RALGAPA2: variants seen among roughly 807,000 people sequenced by gnomAD.
RALGAPA2 encodes the protein Ral GTPase activating protein catalytic subunit alpha 2, also known as ral GTPase-activating protein subunit alpha-2.
A neutral mutation model predicts 230.4 loss-of-function variants in RALGAPA2; 139 were observed. The ratio of observed to expected loss-of-function variants is 0.60; its 90% confidence interval spans 0.53 to 0.69. The LOEUF (loss-of-function observed/expected upper bound fraction) is 0.69, where lower values mean the gene tolerates loss of function less well. RALGAPA2 is among the 30% of genes least tolerant of loss of function. The pLI, the probability that RALGAPA2 is intolerant of heterozygous loss-of-function variation, is 0.00. For missense variants in RALGAPA2, 2,163 were observed against 2,276.0 expected (o/e 0.95, Z 1.01); for synonymous variants, 847 against 837.8 (o/e 1.01, Z -0.19).
intron 4 of RALGAPA2, among the ~76,000 whole-genome samples, chr20:20,646,731 A>G (rs2067228080): frequency 6.6e-6 from 1 of 152,224 alleles, no homozygotes; most frequent in African/African-American, 2.4e-5. Flanking sequence ...TCATTAATCA[A>G]GATAAATATT....
intron 36 of RALGAPA2, among the ~76,000 whole-genome samples, chr20:20,482,127 A>C (rs987322353): frequency 2.0e-5 from 3 of 152,212 alleles, no homozygotes; most frequent in African/African-American, 7.2e-5. Context: ...AGAAGACTCT[A>C]AAACTTTGTC....
chr20:20,434,649 T>A (rs1163771470), intron 37 of RALGAPA2, among the ~76,000 whole-genome samples: 2 of 152,202 alleles, frequency 1.3e-5, no homozygotes, highest in Non-Finnish European at 2.9e-5. Context: ...AAAATTCCTC[T>A]TAGAGGCTGG....
chr20:20,629,432 A>G lies in RALGAPA2; in HGVS notation c.1164T>C (p.Tyr388=), dbSNP rs755489135. Residue 388 remains tyrosine (Y), a synonymous_variant, in exon 10 of 40, where the codon TAT becomes TAC. Coordinates refer to ENST00000202677, the MANE Select transcript of RALGAPA2 (RefSeq NM_020343.4). ...CSIEEEHRMV[Y]EMVQRILLST... is the part of the protein sequence containing the mutation. ...ACAAGAGAATCCGCTGTACCATTTC[A>G]TACACCATTCGGTGCTCTTCTTCAA... is the stretch of plus-strand genomic sequence containing the variant. 6.2e-7 allele frequency: 1 copy of G among 1,613,884 alleles called. No individual in the cohort carries two copies. The highest frequency in any genetic ancestry group is 1.1e-5 in the South Asian group (1 of 91,054).
At chr20:20,463,732 T>C (rs944349856) in intron 37 of RALGAPA2, among the ~76,000 whole-genome samples, 5 of 152,220 alleles carry the variant, frequency 3.3e-5, no homozygotes, top group African/African-American at 1.2e-4. Flanking sequence ...AAAGTAACCA[T>C]CTGAATGCTA....
chr20:20,550,456 G>A (rs2063892153), intron 23 of RALGAPA2, among the ~76,000 whole-genome samples: 1 of 152,194 alleles, frequency 6.6e-6, no homozygotes, highest in African/African-American at 2.4e-5. Flanking sequence ...TGCAATGTCA[G>A]GGTGGTGTGA....
intron 36 of RALGAPA2, among the ~76,000 whole-genome samples, chr20:20,474,600 A>G (rs886453920): frequency 1.3e-5 from 2 of 152,220 alleles, no homozygotes; most frequent in Admixed American, 6.5e-5. Context: ...TTTTGAAGGT[A>G]GAGTTGTCAG....
intron 1 of RALGAPA2, among the ~76,000 whole-genome samples, chr20:20,698,263 C>A (rs2069196340): frequency 6.6e-6 from 1 of 150,664 alleles, no homozygotes; most frequent in Non-Finnish European, 1.5e-5. Context: ...GAATTGTTTA[C>A]TTTTAAATGA....
chr20:20,683,760 T>C (rs1307906392), intron 1 of RALGAPA2, among the ~76,000 whole-genome samples: 1 of 152,228 alleles, frequency 6.6e-6, no homozygotes, highest in Non-Finnish European at 1.5e-5. Context: ...ATAAGCAGGA[T>C]ACAGCACCGG....
intron 3 of RALGAPA2, among the ~76,000 whole-genome samples, chr20:20,672,990 C>T (rs1344677870): frequency 6.6e-6 from 1 of 151,946 alleles, no homozygotes; most frequent in Non-Finnish European, 1.5e-5. Flanking sequence ...CAAGACCATC[C>T]TGGCTAACAC....
chr20:20,523,443 C>A (rs1260200274), intron 30 of RALGAPA2, among the ~76,000 whole-genome samples: 2 of 152,100 alleles, frequency 1.3e-5, no homozygotes, highest in African/African-American at 4.8e-5. Flanking sequence ...AAACCTTTTT[C>A]TTCCTTTGAT....
intron 37 of RALGAPA2, among the ~76,000 whole-genome samples, chr20:20,466,027 T>C (rs887561412): frequency 6.6e-6 from 1 of 152,200 alleles, no homozygotes; most frequent in Admixed American, 6.5e-5. Context: ...TTTTACCTGC[T>C]TGGCCCATTA....
chr20:20,673,697 T>C (rs1178531704), intron 3 of RALGAPA2, among the ~76,000 whole-genome samples: 1 of 152,108 alleles, frequency 6.6e-6, no homozygotes, highest in Non-Finnish European at 1.5e-5. Context: ...GGTGGTTTTA[T>C]AGGAAAGGTA....
chr20:20,466,077 A>G (rs796605837), intron 37 of RALGAPA2, among the ~76,000 whole-genome samples: 3 of 152,312 alleles, frequency 2.0e-5, no homozygotes, highest in African/African-American at 7.2e-5. Flanking sequence ...GGTGGGTGCC[A>G]TGGTGGTGGT....
chr20:20,507,051 T>G (rs575849598), intron 33 of RALGAPA2, among the ~76,000 whole-genome samples: 44 of 152,358 alleles, frequency 2.9e-4, no homozygotes, highest in Admixed American at 2.5e-3. Context: ...CATGCACATA[T>G]GAGAAGCTAC....
intron 38 of RALGAPA2, among the ~76,000 whole-genome samples, chr20:20,409,360 C>G (rs2122745971): frequency 1.3e-5 from 2 of 152,320 alleles, no homozygotes; most frequent in South Asian, 4.1e-4. Flanking sequence ...GATGCTCCCT[C>G]TTCATTAATA....
intron 35 of RALGAPA2, among the ~76,000 whole-genome samples, chr20:20,503,050 G>A (rs546853439): frequency 6.6e-6 from 1 of 152,156 alleles, no homozygotes; most frequent in Non-Finnish European, 1.5e-5. Context: ...AAATCGCCCC[G>A]CAGCAAGCCT....
At chr20:20,557,659 G>GC (rs2064125246) in intron 23 of RALGAPA2, among the ~76,000 whole-genome samples, 1 of 152,072 alleles carries the variant, frequency 6.6e-6, no homozygotes. Context: ...TCTAGGTTAG[G>GC]CCCCACCTGC....
chr20:20,666,777 C>T lies in RALGAPA2; in HGVS notation c.270+9459G>A, dbSNP rs1475903266. On this transcript the variant is annotated intron_variant, in intron 3 of 39. Transcript: ENST00000202677. Reference sequence around the variant, plus strand: ...TTACTTAATCCTGTAGGACACCGAGCCTGAATCTGTTGACTTGCCTAGAAT... The same window carrying T: ...TTACTTAATCCTGTAGGACACCGAGTCTGAATCTGTTGACTTGCCTAGAAT... 3.3e-5 allele frequency among the ~76,000 whole-genome samples: 5 copies of T among 152,132 alleles called. No homozygotes were observed. In the South Asian group the frequency reaches 8.3e-4, roughly 25 times the overall value.
intron 3 of RALGAPA2, among the ~76,000 whole-genome samples, chr20:20,660,883 G>A (rs1210343544): frequency 6.6e-6 from 1 of 152,034 alleles, no homozygotes; most frequent in African/African-American, 2.4e-5. Flanking sequence ...TTGAACAAAG[G>A]TTATTATGTA....
Sources: gnomAD v4.1 joint callset for allele counts (sites outside exome capture counted in the v4.1 genomes callset) on GRCh38, gnomAD v4.1.1 for gene constraint, MANE v1.5 for transcripts, NCBI Gene and HGNC (gene_info 2026-07-23, HGNC 2026-07-21) for gene names.